The following SNX18 variants were observed in gnomAD, a reference collection of about 807,000 sequenced individuals.
SNX18 encodes sorting nexin 18.
SNX18 carries 35 observed loss-of-function variants against 48.7 expected under a neutral mutation model. The ratio of observed to expected loss-of-function variants is 0.72; its 90% CI spans 0.55 to 0.95. The LOEUF (loss-of-function observed/expected upper bound fraction) is 0.95. SNX18 is among the 40% of genes least tolerant of loss of function. SNX18 has a pLI of 0.00. For missense variants in SNX18, 824 were observed against 871.0 expected, an observed-to-expected ratio of 0.95 and a Z score of 0.68; for synonymous variants, 492 against 384.7, an observed-to-expected ratio of 1.28 and a Z score of -3.26.
chr5:54,614,258 G>T, the SNX18 span, among the ~76,000 whole-genome samples: 9 of 152,144 alleles, frequency 5.9e-5, no homozygotes, highest in Admixed American at 4.6e-4. Flanking sequence ...TCTGGGTCTA[G>T]AAATGGAAAA....
chr5:54,575,785 G>GT, the SNX18 span, among the ~76,000 whole-genome samples: 1 of 152,068 alleles, frequency 6.6e-6, no homozygotes, highest in Non-Finnish European at 1.5e-5. Context: ...CAACAAATCT[G>GT]TACAGATAAG....
chr5:54,619,289 T>C, the SNX18 span, among the ~76,000 whole-genome samples: 2 of 152,038 alleles, frequency 1.3e-5, no homozygotes, highest in Admixed American at 6.6e-5. Context: ...GGTAGGTGGA[T>C]TGCTTGAGCT....
the SNX18 span, among the ~76,000 whole-genome samples, chr5:54,595,763 T>A: frequency 6.6e-6 from 1 of 152,182 alleles, no homozygotes. Flanking sequence ...AGATTTATTC[T>A]CTCACAATTT....
At chr5:54,633,303 G>T in the SNX18 span, among the ~76,000 whole-genome samples, 4 of 152,112 alleles carry the variant, frequency 2.6e-5, no homozygotes, top group Non-Finnish European at 5.9e-5. Context: ...TGTATCCCAA[G>T]CAGGTGGTGA....
chr5:54,531,875 A>G (rs1015885489), intron 1 of SNX18, among the ~76,000 whole-genome samples: 3 of 152,248 alleles, frequency 2.0e-5, no homozygotes, highest in Non-Finnish European at 4.4e-5. Context: ...CGTGGCATAC[A>G]TGGCAATTGG....
At chr5:54,639,607 T>C in the SNX18 span, among the ~76,000 whole-genome samples, 2 of 105,324 alleles carry the variant, frequency 1.9e-5, no homozygotes, top group Non-Finnish European at 4.1e-5. Context: ...ATCTTTATTT[T>C]TCACGAGAAT....
the SNX18 span, among the ~76,000 whole-genome samples, chr5:54,556,694 A>G: frequency 1.3e-5 from 2 of 152,126 alleles, no homozygotes; most frequent in Admixed American, 1.3e-4. Flanking sequence ...TATGCAGCTT[A>G]CTGCAGTCCC....
At chr5:54,604,149 G>A in the SNX18 span, among the ~76,000 whole-genome samples, 1 of 152,210 alleles carries the variant, frequency 6.6e-6, no homozygotes, top group Non-Finnish European at 1.5e-5. Flanking sequence ...ATGCCATGCT[G>A]ACAGTATGAT....
chr5:54,561,769 G>T, the SNX18 span, among the ~76,000 whole-genome samples: 1 of 152,168 alleles, frequency 6.6e-6, no homozygotes, highest in African/African-American at 2.4e-5. Flanking sequence ...TGTTTGTTAT[G>T]TAGAAATAAT....
At chr5:54,601,224 C>A in the SNX18 span, among the ~76,000 whole-genome samples, 1 of 91,012 alleles carries the variant, frequency 1.1e-5, no homozygotes, top group African/African-American at 3.4e-5. Flanking sequence ...ATCAAGTTGG[C>A]AGCCATTACA....
At chr5:54,582,172 G>C in the SNX18 span, among the ~76,000 whole-genome samples, 1 of 152,176 alleles carries the variant, frequency 6.6e-6, no homozygotes, top group Admixed American at 6.6e-5. Flanking sequence ...GAAGGATTCT[G>C]GTCATTTTGT....
At chr5:54,555,731 G>A in the SNX18 span, among the ~76,000 whole-genome samples, 1 of 151,768 alleles carries the variant, frequency 6.6e-6, no homozygotes, top group Non-Finnish European at 1.5e-5. Context: ...GGAGGCTGAG[G>A]CAGGAGAATC....
chr5:54,633,554 T>C, the SNX18 span, among the ~76,000 whole-genome samples: 1 of 152,200 alleles, frequency 6.6e-6, no homozygotes, highest in Non-Finnish European at 1.5e-5. Flanking sequence ...TGTAGGACAT[T>C]GGGCAAGTTA....
downstream of SNX18, among the ~76,000 whole-genome samples, chr5:54,547,992 A>C (rs933840300): frequency 6.6e-6 from 1 of 152,192 alleles, no homozygotes; most frequent in Admixed American, 6.5e-5. Context: ...CTGCTGTGCT[A>C]GGGCTCCATG....
chr5:54,641,544 GAGA>G, the SNX18 span, among the ~76,000 whole-genome samples: 2 of 152,144 alleles, frequency 1.3e-5, no homozygotes, highest in Admixed American at 1.3e-4. Context: ...GCCACCCACA[GAGA>G]AGAACACCTT....
At chr5:54,592,624 T>C in the SNX18 span, among the ~76,000 whole-genome samples, 5 of 152,212 alleles carry the variant, frequency 3.3e-5, no homozygotes, top group Non-Finnish European at 7.3e-5. Context: ...CTCCCACAAT[T>C]GGCTTGACTG....
chr5:54,528,384 A>G (rs1762179261), intron 1 of SNX18, among the ~76,000 whole-genome samples: 1 of 152,184 alleles, frequency 6.6e-6, no homozygotes, highest in South Asian at 2.1e-4. Context: ...CTGAAATAAA[A>G]GGTAGATTTA....
intron 1 of SNX18, among the ~76,000 whole-genome samples, chr5:54,539,839 G>GT (rs761762867): frequency 2.6e-5 from 4 of 151,920 alleles, no homozygotes; most frequent in Admixed American, 6.6e-5. Flanking sequence ...GTTTTGTTTT[G>GT]TTTTGTTGTT....
chr5:54,519,590 A>AAGG lies in SNX18; in HGVS notation c.1621+17_1621+18insAGG, dbSNP rs1761970491. On this transcript the variant is annotated intron_variant, in intron 1 of 1. Transcript: ENST00000381410. ...TTCAGAAAGGTAAAGCCTGGCCCTT[A>AAGG]GAGCAGGTGATATGGAGTGTATTGT... 3.1e-6 allele frequency: 5 copies of AAGG among 1,614,232 alleles called. No homozygotes were observed. Among genetic ancestry groups the AAGG allele is most frequent in the African/African-American group, 1.3e-5 (1 of 75,074 alleles).
Sources: allele counts gnomAD v4.1 joint callset (sites outside exome capture counted in the v4.1 genomes callset), GRCh38; gene constraint gnomAD v4.1.1; transcripts MANE v1.5; gene names NCBI Gene and HGNC (gene_info 2026-07-23, HGNC 2026-07-21).